SMAP1: variants seen among roughly 807,000 people sequenced by gnomAD.
SMAP1 encodes the protein small ArfGAP 1, also known as stromal membrane-associated protein 1.
Under a neutral mutation model 58.5 loss-of-function variants are expected in SMAP1, and 24 were observed. That is an observed-to-expected ratio of 0.41 (90% confidence interval 0.30 to 0.58). The LOEUF is 0.58. Ranked by LOEUF, SMAP1 falls within the 20% of genes least tolerant of loss-of-function variation. SMAP1 has a pLI of 0.29. For missense variants in SMAP1, 563 were observed against 566.3 expected (o/e 0.99, Z 0.06); for synonymous variants, 216 against 196.6 (o/e 1.10, Z -0.82).
intron 1 of SMAP1, among the ~76,000 whole-genome samples, chr6:70,721,887 A>G (rs1429918196): frequency 2.6e-5 from 4 of 152,202 alleles, no homozygotes; most frequent in Non-Finnish European, 5.9e-5. Flanking sequence ...GGCCCCCATG[A>G]TTCAATTACC....
intron 1 of SMAP1, among the ~76,000 whole-genome samples, chr6:70,691,456 A>T (rs117646988): frequency 6.6e-6 from 1 of 152,186 alleles, no homozygotes; most frequent in Admixed American, 6.5e-5. Context: ...TGTTACAAAC[A>T]TTACAGTTAT....
At chr6:70,824,781 C>T (rs910749746) in intron 6 of SMAP1, among the ~76,000 whole-genome samples, 4 of 152,118 alleles carry the variant, frequency 2.6e-5, no homozygotes, top group South Asian at 2.1e-4. Flanking sequence ...TTCAGTTTAC[C>T]GATGAGGAAA....
chr6:70,792,983 A>G (rs1562165708), intron 5 of SMAP1, among the ~76,000 whole-genome samples: 1 of 152,196 alleles, frequency 6.6e-6, no homozygotes, highest in Non-Finnish European at 1.5e-5. Context: ...GACATGTTCC[A>G]AAGTAGTAAC....
At chr6:70,679,761 A>G (rs1766626318) in intron 1 of SMAP1, among the ~76,000 whole-genome samples, 2 of 152,336 alleles carry the variant, frequency 1.3e-5, no homozygotes, top group Admixed American at 6.5e-5. Flanking sequence ...CAGAGATATC[A>G]TGCTCATGGA....
chr6:70,734,163 A>C (rs140394593), intron 2 of SMAP1, among the ~76,000 whole-genome samples: 1 of 150,230 alleles, frequency 6.7e-6, no homozygotes, highest in African/African-American at 2.5e-5. Context: ...TTTTTTTGAG[A>C]CGGAGTCTCA....
At chr6:70,718,358 A>C (rs1768362410) in intron 1 of SMAP1, among the ~76,000 whole-genome samples, 1 of 152,176 alleles carries the variant, frequency 6.6e-6, no homozygotes, top group East Asian at 1.9e-4. Flanking sequence ...TAATGAAAGA[A>C]AGAGAGGAGC....
chr6:70,771,565 A>T (rs532299544), intron 3 of SMAP1, among the ~76,000 whole-genome samples: 23 of 152,244 alleles, frequency 1.5e-4, no homozygotes, highest in African/African-American at 5.5e-4. Flanking sequence ...CAGGTGTGGG[A>T]TATAATCTCC....
intron 3 of SMAP1, among the ~76,000 whole-genome samples, chr6:70,766,424 T>C (rs529533580): frequency 5.3e-5 from 8 of 152,336 alleles, no homozygotes; most frequent in African/African-American, 1.4e-4. Context: ...CCTGACTTTT[T>C]AATGATTGCC....
intron 5 of SMAP1, among the ~76,000 whole-genome samples, chr6:70,797,008 A>G (rs1330931028): frequency 6.6e-6 from 1 of 152,154 alleles, no homozygotes; most frequent in Non-Finnish European, 1.5e-5. Context: ...AAATGCTTTC[A>G]CTAATTGATG....
chr6:70,787,264 G>A (rs557480418), intron 4 of SMAP1, among the ~76,000 whole-genome samples: 48 of 152,276 alleles, frequency 3.2e-4, no homozygotes, highest in African/African-American at 1.0e-3. Context: ...AGCTGAAACT[G>A]GATCCCTTCC....
At chr6:70,795,779 C>G (rs2149949443) in intron 5 of SMAP1, among the ~76,000 whole-genome samples, 1 of 151,406 alleles carries the variant, frequency 6.6e-6, no homozygotes, top group African/African-American at 2.4e-5. Flanking sequence ...CTCTTGTTGC[C>G]CAGGCTGGAG....
At chr6:70,690,646 C>G (rs1420303200) in intron 1 of SMAP1, among the ~76,000 whole-genome samples, 3 of 151,080 alleles carry the variant, frequency 2.0e-5, no homozygotes, top group African/African-American at 7.3e-5. Context: ...ACACATTAAA[C>G]TGCATTCCTG....
chr6:70,819,102 G>A (rs10945261), intron 6 of SMAP1, among the ~76,000 whole-genome samples: 68,856 of 151,938 alleles, frequency 0.45, 16,092 homozygotes, highest in Non-Finnish European at 0.52. Flanking sequence ...GACATTTTAT[G>A]TAAACATTAT....
chr6:70,799,530 A>T lies in SMAP1; in HGVS notation c.576+793A>T, dbSNP rs149379458. Among the ~76,000 whole-genome samples, 1,515 of 152,306 alleles carry T rather than the reference A, an allele frequency of 9.9e-3. 15 individuals carry two copies. Among genetic ancestry groups the T allele is most frequent in the African/African-American group, 0.034 (1,408 of 41,566 alleles). On this transcript the variant is annotated intron_variant, in intron 6 of 10. Coordinates refer to ENST00000370455, the MANE Select transcript of SMAP1 (RefSeq NM_001044305.3). ...TTTCATCATAAGAGTATGGAATCAT[A>T]CTAAGAGAATTGTCAGTAAAGGGAG...
intron 1 of SMAP1, among the ~76,000 whole-genome samples, chr6:70,682,276 C>CAATAAG (rs1453359539): frequency 1.4e-5 from 2 of 147,184 alleles, no homozygotes; most frequent in African/African-American, 2.5e-5. Context: ...GCAACCTCTG[C>CAATAAG]CTCCTGGGTT....
chr6:70,725,119 T>A (rs1343318871), intron 1 of SMAP1, among the ~76,000 whole-genome samples: 1 of 115,550 alleles, frequency 8.7e-6, no homozygotes, highest in African/African-American at 3.4e-5. Context: ...TTTTTTTTTT[T>A]TTTTTTTTTT....
chr6:70,683,884 G>A (rs1463183920), intron 1 of SMAP1, among the ~76,000 whole-genome samples: 2 of 152,200 alleles, frequency 1.3e-5, no homozygotes, highest in Non-Finnish European at 2.9e-5. Context: ...GTGAACCCAG[G>A]TCTTCTGGAA....
intron 1 of SMAP1, among the ~76,000 whole-genome samples, chr6:70,670,290 A>G (rs543885464): frequency 1.3e-5 from 2 of 152,330 alleles, no homozygotes; most frequent in South Asian, 4.1e-4. Flanking sequence ...TAAATCTAGA[A>G]GAATATTAAA....
intron 7 of SMAP1, among the ~76,000 whole-genome samples, chr6:70,838,629 A>G (rs1366720277): frequency 6.6e-6 from 1 of 152,112 alleles, no homozygotes; most frequent in Non-Finnish European, 1.5e-5. Context: ...GCAGATGCAA[A>G]GGCTCTTCAG....
Sources: gnomAD v4.1 joint callset for allele counts (sites outside exome capture counted in the v4.1 genomes callset) on GRCh38, gnomAD v4.1.1 for gene constraint, MANE v1.5 for transcripts, NCBI Gene and HGNC (gene_info 2026-07-23, HGNC 2026-07-21) for gene names.